Variants in BRINP3 observed in about 807,000 individuals in gnomAD.
BRINP3 encodes BMP/retinoic acid-inducible neural-specific protein 3.
In BRINP3, 19 loss-of-function variants were observed where a neutral mutation model predicts 71.0. The ratio of observed to expected loss-of-function variants is 0.27; its 90% CI spans 0.19 to 0.39. The LOEUF is 0.39. Among genes scored for constraint, BRINP3 ranks in the 10% least tolerant of loss-of-function variants. The pLI is 1.00. For synonymous variants in BRINP3, 380 were observed against 337.7 expected (o/e 1.13, Z -1.37); for missense variants, 959 against 940.8 (o/e 1.02, Z -0.25).
intron 2 of BRINP3, among the ~76,000 whole-genome samples, chr1:190,414,410 C>G (rs1672883871): frequency 6.6e-6 from 1 of 151,670 alleles, no homozygotes; most frequent in Non-Finnish European, 1.5e-5. Context: ...TTAGTGACTT[C>G]CATATGTTAT....
At chr1:190,186,096 C>A (rs1653493393) in intron 6 of BRINP3, among the ~76,000 whole-genome samples, 1 of 151,960 alleles carries the variant, frequency 6.6e-6, no homozygotes, top group African/African-American at 2.4e-5. Context: ...AAAGTAAAGG[C>A]TGGTCACGGT....
chr1:190,098,251 G>C lies in BRINP3; in HGVS notation c.2068C>G (p.Pro690Ala). 6.2e-7 allele frequency: 1 copy of C among 1,614,146 alleles called. No homozygotes were observed. The highest frequency in any genetic ancestry group is 8.5e-7 in the Non-Finnish European group (1 of 1,180,024). The change falls in exon 8 of 8, where the codon CCC becomes GCC. Residue 690 changes from proline (P) to alanine (A), a missense_variant. Coordinates refer to ENST00000367462, the MANE Select transcript of BRINP3 (RefSeq NM_199051.3). ...GAATCCTGGGATCCCTGAGTATAGG[G>C]GTAGTCCAGCTGCAAAATCAGGTCC... Reference protein sequence around the residue: ...IRDLILQLDYPYTQGSQDSAL... With the variant: ...IRDLILQLDYAYTQGSQDSAL...
chr1:190,451,919 A>T, intron 2 of BRINP3, among the ~76,000 whole-genome samples: 1 of 152,166 alleles, frequency 6.6e-6, no homozygotes, highest in Non-Finnish European at 1.5e-5. Flanking sequence ...TAATTATATT[A>T]ACAGGTTTGA....
At chr1:190,298,969 A>G (rs768592963) in intron 2 of BRINP3, among the ~76,000 whole-genome samples, 10 of 152,110 alleles carry the variant, frequency 6.6e-5, no homozygotes, top group Non-Finnish European at 1.5e-4. Context: ...TTTGCTTACA[A>G]TATCCTGCAG....
rs112938304 is a variant in BRINP3, at chr1:190,189,966, A to G, written c.962-29076T>C. On this transcript the variant is annotated intron_variant, in intron 6 of 7. Transcript: ENST00000367462. ...GCATCGCAGTCAGTGTGGCACTGCCAAAAGTCTGGGATACATTACAACAGT... is the reference window on the plus strand; with the variant it reads ...GCATCGCAGTCAGTGTGGCACTGCCGAAAGTCTGGGATACATTACAACAGT... 3.5e-3 allele frequency among the ~76,000 whole-genome samples: 539 copies of G among 152,276 alleles called. 4 individuals carry two copies. Among genetic ancestry groups the G allele is most frequent in the African/African-American group, 0.012 (511 of 41,554 alleles).
intron 7 of BRINP3, among the ~76,000 whole-genome samples, chr1:190,120,459 T>C (rs1056956460): frequency 2.6e-5 from 4 of 152,070 alleles, no homozygotes; most frequent in African/African-American, 9.7e-5. Context: ...TTAAATACAA[T>C]TTTACAAACC....
intron 6 of BRINP3, among the ~76,000 whole-genome samples, chr1:190,189,263 C>A (rs1223132522): frequency 2.0e-5 from 3 of 151,960 alleles, no homozygotes; most frequent in Non-Finnish European, 4.4e-5. Flanking sequence ...ACAGTGAAAC[C>A]ATCAGGTTTA....
chr1:190,211,595 T>G lies in BRINP3; in HGVS notation c.961+14487A>C, dbSNP rs577403109. On this transcript the variant is annotated intron_variant, in intron 6 of 7. Transcript: ENST00000367462. ...CATTGCAATAGCTTTTATGTAACAA[T>G]GCAAATAAATATGTTGTTCTCTGCC... Among the ~76,000 whole-genome samples, 73 of 152,230 alleles carry G rather than the reference T, an allele frequency of 4.8e-4. 1 individual carries two copies. The highest frequency in any genetic ancestry group is 1.4e-3 in the Admixed American group (21 of 15,276).
chr1:190,380,223 TAA>T (rs1486720579), intron 2 of BRINP3, among the ~76,000 whole-genome samples: 1 of 151,914 alleles, frequency 6.6e-6, no homozygotes, highest in Non-Finnish European at 1.5e-5. Context: ...ACTGGAGACT[TAA>T]AAGGGTTTTT....
At chr1:190,227,028 G>T in intron 5 of BRINP3, among the ~76,000 whole-genome samples, 1 of 151,706 alleles carries the variant, frequency 6.6e-6, no homozygotes, top group East Asian at 1.9e-4. Flanking sequence ...TAAGATTTGG[G>T]CTTTTCTCAG....
At chr1:190,445,595 ACCCT>A (rs1420654838) in intron 2 of BRINP3, among the ~76,000 whole-genome samples, 2 of 149,364 alleles carry the variant, frequency 1.3e-5, no homozygotes, top group African/African-American at 2.5e-5. Context: ...ACACACACAC[ACCCT>A]CAAGAAAAAT....
intron 5 of BRINP3, among the ~76,000 whole-genome samples, chr1:190,228,281 A>G: frequency 6.6e-6 from 1 of 151,834 alleles, no homozygotes. Flanking sequence ...TGCTCAAGGA[A>G]CTCAGGAATC....
intron 6 of BRINP3, among the ~76,000 whole-genome samples, chr1:190,191,175 C>T (rs1653999894): frequency 3.3e-5 from 5 of 152,120 alleles, no homozygotes; most frequent in Admixed American, 3.3e-4. Flanking sequence ...AACAATGATT[C>T]TCTTCTCAGA....
chr1:190,270,385 TA>T (rs1209804767), intron 3 of BRINP3, among the ~76,000 whole-genome samples: 1 of 151,452 alleles, frequency 6.6e-6, no homozygotes, highest in Non-Finnish European at 1.5e-5. Context: ...AAGCCATCCC[TA>T]AAAAATAAAA....
chr1:190,473,454 T>C (rs538441936), intron 1 of BRINP3, among the ~76,000 whole-genome samples: 1 of 151,674 alleles, frequency 6.6e-6, no homozygotes, highest in South Asian at 2.1e-4. Flanking sequence ...TTTCCAGAGA[T>C]AATTTAAATA....
At chr1:190,128,883 A>T (rs988540997) in intron 7 of BRINP3, among the ~76,000 whole-genome samples, 21 of 151,774 alleles carry the variant, frequency 1.4e-4, no homozygotes, top group Admixed American at 4.6e-4. Context: ...TCAAAGCTTG[A>T]CTTACACTAG....
chr1:190,458,371 T>C (rs1225333114), intron 1 of BRINP3, among the ~76,000 whole-genome samples: 5 of 152,104 alleles, frequency 3.3e-5, no homozygotes, highest in Non-Finnish European at 7.4e-5. Flanking sequence ...AAGAACTTTT[T>C]TCACAAGTTA....
chr1:190,110,837 A>G (rs1652603050), intron 7 of BRINP3, among the ~76,000 whole-genome samples: 1 of 152,190 alleles, frequency 6.6e-6, no homozygotes, highest in Admixed American at 6.5e-5. Context: ...TTTGGAAATT[A>G]AATTATTATT....
intron 6 of BRINP3, among the ~76,000 whole-genome samples, chr1:190,199,331 T>C (rs1399101296): frequency 1.3e-5 from 2 of 152,150 alleles, no homozygotes; most frequent in Non-Finnish European, 2.9e-5. Context: ...ATAACCATTT[T>C]ATTCTCTCAT....
Sources: allele counts gnomAD v4.1 joint callset (sites outside exome capture counted in the v4.1 genomes callset), GRCh38; gene constraint gnomAD v4.1.1; transcripts MANE v1.5; gene names NCBI Gene and HGNC (gene_info 2026-07-23, HGNC 2026-07-21).